The following RANBP10 variants were observed in gnomAD, a reference collection of about 807,000 sequenced individuals.
The protein encoded by RANBP10 is ran-binding protein 10.
A neutral mutation model predicts 72.8 loss-of-function variants in RANBP10; 24 were observed. The ratio of observed to expected loss-of-function variants is 0.33; its 90% CI spans 0.24 to 0.46. RANBP10 has a LOEUF of 0.46. RANBP10 is among the 20% of genes least tolerant of loss of function. RANBP10 has a pLI of 1.00. For missense variants in RANBP10, 679 were observed against 817.5 expected (o/e 0.83, Z 2.07); for synonymous variants, 310 against 322.3 (o/e 0.96, Z 0.41).
chr16:67,762,191 G>T (rs1445782181), intron 3 of RANBP10, among the ~76,000 whole-genome samples: 3 of 152,174 alleles, frequency 2.0e-5, no homozygotes, highest in African/African-American at 7.2e-5. Context: ...CTTGAGCCCA[G>T]GAGTCTGAGG....
chr16:67,794,569 C>A (rs1446556277), intron 2 of RANBP10, among the ~76,000 whole-genome samples: 1 of 141,632 alleles, frequency 7.1e-6, no homozygotes, highest in Non-Finnish European at 1.5e-5. Flanking sequence ...GTCTCCCAGG[C>A]TGGAGTGCAG....
At chr16:67,785,368 G>C (rs1286085407) in intron 2 of RANBP10, among the ~76,000 whole-genome samples, 2 of 152,048 alleles carry the variant, frequency 1.3e-5, no homozygotes, top group African/African-American at 2.4e-5. Context: ...AATGGATTTA[G>C]AGATGATACA....
Position 67,730,760 on chromosome 16 carries a change from A to G in RANBP10, c.889+712T>C, listed in dbSNP as rs1284297192. 6.6e-6 allele frequency among the ~76,000 whole-genome samples: 1 copy of G among 152,140 alleles called. No homozygotes were observed. The highest frequency in any genetic ancestry group is 2.1e-4 in the South Asian group (1 of 4,828). On this transcript the variant is annotated intron_variant, in intron 7 of 13. Coordinates refer to ENST00000317506, the MANE Select transcript of RANBP10 (RefSeq NM_020850.3). This position sits in a 1 kb window ranked among gnomAD's most constrained non-coding sequence, Gnocchi z 4.3. ...TTCTCTGGGAGACAGACACGTGCACATACAGAAGAGACAGCAGGCTTGGAG... is the reference window on the plus strand; with the variant it reads ...TTCTCTGGGAGACAGACACGTGCACGTACAGAAGAGACAGCAGGCTTGGAG...
intron 2 of RANBP10, among the ~76,000 whole-genome samples, chr16:67,784,538 C>T (rs2054872639): frequency 6.6e-6 from 1 of 152,160 alleles, no homozygotes; most frequent in Non-Finnish European, 1.5e-5. Flanking sequence ...TGCCTCTAAT[C>T]CCAGCTACTC....
intron 2 of RANBP10, among the ~76,000 whole-genome samples, chr16:67,795,463 C>T (rs530036429): frequency 1.9e-4 from 29 of 151,612 alleles, no homozygotes; most frequent in Admixed American, 5.9e-4. Context: ...CGCTTGAACC[C>T]GGGAGGCGGA....
intron 2 of RANBP10, among the ~76,000 whole-genome samples, chr16:67,782,840 C>CGCTTTT (rs2054839302): frequency 6.6e-6 from 1 of 152,336 alleles, no homozygotes; most frequent in South Asian, 2.1e-4. Flanking sequence ...TCTTAAAAGC[C>CGCTTTT]ACTTTTAAGA....
intron 2 of RANBP10, among the ~76,000 whole-genome samples, chr16:67,802,094 CAAAAA>C (rs11349499): frequency 4.1e-5 from 5 of 121,462 alleles, no homozygotes; most frequent in Non-Finnish European, 7.3e-5. Flanking sequence ...GACCCTGCCT[CAAAAA>C]AAAAAAAAAA....
rs539867555 is a variant in RANBP10, at chr16:67,725,812, G to A, written c.*616C>T. ...GCAGCTCGGCCTGTGACTCAAAAAA[G>A]GGGGAGCAAAAAATAAATCACTTGG... On this transcript the variant is annotated 3_prime_UTR_variant, in exon 14 of 14. Coordinates refer to ENST00000317506, the MANE Select transcript of RANBP10 (RefSeq NM_020850.3). 2.6e-5 allele frequency: 4 copies of A among 152,594 alleles called. No individual in the cohort carries two copies. In the East Asian group the frequency reaches 5.8e-4, roughly 22 times the overall value. 9.5% of individuals were successfully genotyped at this position (152,594 alleles called of 1,614,324 possible). A position where few individuals can be genotyped will look rare whatever the true frequency, so the allele number is the denominator to read the frequency against.
chr16:67,805,713 CT>C (rs2055382680), intron 1 of RANBP10, among the ~76,000 whole-genome samples, 174 bp from the exon 2 acceptor site: 1 of 152,184 alleles, frequency 6.6e-6, no homozygotes, highest in African/African-American at 2.4e-5. Flanking sequence ...CCACCTTTGC[CT>C]CACCTCCTCC....
intron 4 of RANBP10, among the ~76,000 whole-genome samples, chr16:67,741,572 G>T (rs1389785575): frequency 2.6e-5 from 4 of 152,238 alleles, no homozygotes; most frequent in Admixed American, 2.0e-4. Context: ...GCACAGAGTT[G>T]TGTGGAAATG....
At chr16:67,731,026 C>T (rs1476646468) in intron 7 of RANBP10, 1 of 179,618 alleles carries the variant, frequency 5.6e-6, no homozygotes, top group Non-Finnish European at 1.2e-5. Flanking sequence ...GGGTAGTGCC[C>T]CCACAGCAGC....
At position 67,744,437 on chromosome 16, in the gene RANBP10, T is replaced by C. The variant is rs773993174; in HGVS notation, c.419A>G (p.Tyr140Cys). The C allele has an allele frequency of 7.4e-6, 12 of 1,613,552 alleles. No homozygotes were observed. The highest frequency in any genetic ancestry group is 3.3e-5 in the Admixed American group (2 of 59,920). ...ATGCCCATCATCACCATGGTAACCA[T>C]AGGAATGTTTGTCCCAACCTGTGGG... Reference protein sequence around the residue: ...NRLPGWDKHSYGYHGDDGHSF... With the variant: ...NRLPGWDKHSCGYHGDDGHSF... Residue 140 changes from tyrosine to cysteine, a missense_variant, in exon 4 of 14, where the codon TAT (tyrosine) becomes TGT (cysteine). Transcript: ENST00000317506.
intron 2 of RANBP10, among the ~76,000 whole-genome samples, chr16:67,794,093 G>A (rs2055080912): frequency 6.6e-6 from 1 of 152,062 alleles, no homozygotes; most frequent in Non-Finnish European, 1.5e-5. Flanking sequence ...ATGTTGTCCA[G>A]GCTGGTCTTG....
intron 3 of RANBP10, among the ~76,000 whole-genome samples, chr16:67,747,158 G>A (rs1418295974): frequency 1.3e-5 from 2 of 152,136 alleles, no homozygotes; most frequent in Non-Finnish European, 2.9e-5. Flanking sequence ...AGCAATGTAT[G>A]AGTTCCATAT....
At chr16:67,769,745 CAAAAAAAAAAAAAAAAAAAA>C (rs58319144) in intron 3 of RANBP10, among the ~76,000 whole-genome samples, 1 of 27,724 alleles carries the variant, frequency 3.6e-5, no homozygotes, top group African/African-American at 9.9e-5. Context: ...GACTCCGTCT[CAAAAAAAAAAAAAAAAAAAA>C]AAAAAAAAAA....
At chr16:67,795,724 G>A (rs112900803) in intron 2 of RANBP10, among the ~76,000 whole-genome samples, 5 of 149,736 alleles carry the variant, frequency 3.3e-5, no homozygotes, top group Non-Finnish European at 5.9e-5. Flanking sequence ...GTGCGGTGGC[G>A]GGCACCTGTA....
chr16:67,725,415 C>T lies in RANBP10; in HGVS notation c.*1013G>A, dbSNP rs2053580609. 1 of 152,642 alleles carries T rather than the reference C, an allele frequency of 6.6e-6. No homozygotes were observed. The highest frequency in any genetic ancestry group is 1.5e-5 in the Non-Finnish European group (1 of 68,074). 9.5% of individuals were successfully genotyped at this position (152,642 alleles called of 1,614,324 possible). A position where few individuals can be genotyped will look rare whatever the true frequency, so the allele number is the denominator to read the frequency against. On this transcript the variant is annotated 3_prime_UTR_variant, in exon 14 of 14. Transcript: ENST00000317506. Reference sequence around the variant, plus strand: ...GCCTCTGTCCTGGGAATGGAGTCTTCTTTCCAGCAGCCTGACACACAGAAG... The same window carrying T: ...GCCTCTGTCCTGGGAATGGAGTCTTTTTTCCAGCAGCCTGACACACAGAAG...
intron 3 of RANBP10, among the ~76,000 whole-genome samples, chr16:67,759,209 C>A (rs1395404283): frequency 6.6e-6 from 1 of 152,262 alleles, no homozygotes; most frequent in Non-Finnish European, 1.5e-5. Flanking sequence ...TCTACTCCTT[C>A]ACTCCCATCT....
intron 4 of RANBP10, among the ~76,000 whole-genome samples, chr16:67,743,139 T>C (rs2054001160): frequency 6.6e-6 from 1 of 152,230 alleles, no homozygotes; most frequent in East Asian, 1.9e-4. Flanking sequence ...GGTCCCCTGA[T>C]ACTAGCTGTG....
Sources: gnomAD v4.1 joint callset for allele counts (sites outside exome capture counted in the v4.1 genomes callset) on GRCh38, gnomAD v4.1.1 for gene constraint, Gnocchi (gnomAD v3.1) non-coding constraint, MANE v1.5 for transcripts, NCBI Gene and HGNC (gene_info 2026-07-23, HGNC 2026-07-21) for gene names.